The following CRACD variants were observed in gnomAD, a reference collection of about 807,000 sequenced individuals.
The protein encoded by CRACD is capping protein-inhibiting regulator of actin dynamics.
A neutral mutation model predicts 106.8 loss-of-function variants in CRACD; 56 were observed. The ratio of observed to expected loss-of-function variants is 0.52; its 90% CI spans 0.42 to 0.66. The LOEUF (loss-of-function observed/expected upper bound fraction) is 0.66. Ranked by LOEUF, CRACD falls within the 30% of genes least tolerant of loss-of-function variation. The pLI, the probability that CRACD is intolerant of heterozygous loss-of-function variation, is 0.00. For synonymous variants in CRACD, 754 were observed against 670.8 expected, an observed-to-expected ratio of 1.12 and a Z score of -1.92; for missense variants, 1,730 against 1,623.2, an observed-to-expected ratio of 1.07 and a Z score of -1.13.
intron 2 of CRACD, among the ~76,000 whole-genome samples, chr4:56,205,745 T>G (rs1256194422): frequency 1.3e-5 from 2 of 152,202 alleles, no homozygotes; most frequent in African/African-American, 4.8e-5. Context: ...CCCAAAGTGC[T>G]GAGATTACAG....
intron 2 of CRACD, among the ~76,000 whole-genome samples, chr4:56,240,727 C>A (rs1740316443): frequency 6.6e-6 from 1 of 152,174 alleles, no homozygotes; most frequent in Admixed American, 6.5e-5. Context: ...TCAAACTCTA[C>A]TTCAAGCAGT....
At chr4:56,274,785 A>G (rs988092270) in intron 3 of CRACD, among the ~76,000 whole-genome samples, 1 of 152,238 alleles carries the variant, frequency 6.6e-6, no homozygotes, top group Non-Finnish European at 1.5e-5. Flanking sequence ...TAGTGGGTAT[A>G]TGCCCAGAGG....
chr4:56,242,949 G>C (rs1442017003), intron 2 of CRACD, among the ~76,000 whole-genome samples: 1 of 152,186 alleles, frequency 6.6e-6, no homozygotes, highest in African/African-American at 2.4e-5. Flanking sequence ...TGCACCCCTA[G>C]AGCGCATGAG....
At chr4:56,199,235 CTG>C (rs1166319323) in intron 2 of CRACD, among the ~76,000 whole-genome samples, 2 of 152,168 alleles carry the variant, frequency 1.3e-5, no homozygotes, top group Non-Finnish European at 2.9e-5. Flanking sequence ...AAGTAGCAAA[CTG>C]AAAGTAGAAG....
intron 6 of CRACD, chr4:56,311,623 G>A (rs1270235680): frequency 1.3e-5 from 2 of 152,160 alleles, no homozygotes; most frequent in African/African-American, 2.4e-5. Flanking sequence ...ATTTTTCTGT[G>A]CTTCTTGTCA....
At chr4:56,256,823 A>G (rs4865082) in intron 2 of CRACD, among the ~76,000 whole-genome samples, 1 of 152,060 alleles carries the variant, frequency 6.6e-6, no homozygotes, top group Non-Finnish European at 1.5e-5. Context: ...ATGGACCCCT[A>G]CTTGGCCAAG....
chr4:56,087,786 TTTAC>T (rs1464910996), intron 1 of CRACD, among the ~76,000 whole-genome samples: 3 of 152,206 alleles, frequency 2.0e-5, no homozygotes, highest in African/African-American at 4.8e-5. Flanking sequence ...CTCCTCTTTT[TTTAC>T]TTACTTATTT....
Position 56,313,189 on chromosome 4 carries a change from C to T in CRACD, c.355-8C>T, listed in dbSNP as rs1745267333. The T allele has an allele frequency of 6.2e-7, 1 of 1,613,058 alleles. No individual in the cohort carries two copies. Among genetic ancestry groups the T allele is most frequent in the Non-Finnish European group, 8.5e-7 (1 of 1,179,316 alleles). On this transcript the variant is annotated splice_polypyrimidine_tract_variant and splice_region_variant and intron_variant, in intron 6 of 10. Coordinates refer to ENST00000682029, the MANE Select transcript of CRACD (RefSeq NM_001393381.1). ...CCAACTGACTTTCTATTTTAATCTC[C>T]CCTACAGGTTGCTCCCGTTAAACCG...
rs190413501 is a variant in CRACD, at chr4:56,284,713, A to G, written c.-17+12221A>G. The stretch of plus-strand genomic sequence containing the variant: ...GCACCCCAGCCTGGGCTACAGAGTG[A>G]GACTCCGTCTCGAAAACAAAAAACA... On this transcript the variant is annotated intron_variant, in intron 3 of 10. Coordinates refer to ENST00000682029, the MANE Select transcript of CRACD (RefSeq NM_001393381.1). Among the ~76,000 whole-genome samples, 5 of 148,118 alleles carry G rather than the reference A, an allele frequency of 3.4e-5. No individual in the cohort carries two copies. In the Admixed American group the frequency reaches 3.4e-4, roughly 10 times the overall value.
chr4:56,070,330 C>T lies in CRACD; in HGVS notation c.-336+21031C>T, dbSNP rs536089143. ...TTTTTTTTTTTTTGAGACGGAGTCT[C>T]GCTCTGTCGCCCTGGCTGGAGTACA... On this transcript the variant is annotated intron_variant, in intron 1 of 10. Transcript: ENST00000682029. Among the ~76,000 whole-genome samples, 52 of 142,414 alleles carry T rather than the reference C, an allele frequency of 3.7e-4. 1 individual carries two copies. The East Asian group carries it at 0.011, about 29-fold the overall frequency. 93.4% of individuals were successfully genotyped at this position (142,414 alleles called of 152,430 possible). A position where few individuals can be genotyped will look rare whatever the true frequency, so the allele number is the denominator to read the frequency against.
intron 2 of CRACD, among the ~76,000 whole-genome samples, chr4:56,211,977 G>T (rs1235347584): frequency 6.6e-6 from 1 of 152,122 alleles, no homozygotes; most frequent in Non-Finnish European, 1.5e-5. Flanking sequence ...AGTGCCTCCT[G>T]CCACTATCAA....
intron 1 of CRACD, among the ~76,000 whole-genome samples, chr4:56,083,739 G>C (rs756304754): frequency 5.5e-4 from 84 of 152,240 alleles, no homozygotes; most frequent in Non-Finnish European, 1.0e-3. Context: ...CTTTGGGAGG[G>C]TTGAGGCAGG....
At chr4:56,078,091 A>G (rs936264474) in intron 1 of CRACD, among the ~76,000 whole-genome samples, 1 of 152,180 alleles carries the variant, frequency 6.6e-6, no homozygotes, top group Non-Finnish European at 1.5e-5. Context: ...AAAAATAATT[A>G]TATATTTTTA....
intron 1 of CRACD, among the ~76,000 whole-genome samples, chr4:56,129,343 C>T (rs1034903453): frequency 6.6e-6 from 1 of 152,180 alleles, no homozygotes; most frequent in African/African-American, 2.4e-5. Flanking sequence ...ACTGGGATTA[C>T]GGGTATGAGC....
At chr4:56,200,870 G>A (rs77068866) in intron 2 of CRACD, among the ~76,000 whole-genome samples, 5,023 of 152,164 alleles carry the variant, frequency 0.033, 119 homozygotes, top group Admixed American at 0.055. Flanking sequence ...ATCTTTTAAA[G>A]TTTTGTAATT....
intron 4 of CRACD, among the ~76,000 whole-genome samples, chr4:56,302,662 A>G (rs1170294421): frequency 6.6e-6 from 1 of 151,848 alleles, no homozygotes. Context: ...TTTTTTTATT[A>G]TTATTCATTT....
chr4:56,297,227 A>G (rs898789899), intron 3 of CRACD, among the ~76,000 whole-genome samples: 3 of 152,068 alleles, frequency 2.0e-5, no homozygotes, highest in African/African-American at 7.2e-5. Context: ...GGCATGAGCC[A>G]CCGTGCCTGG....
chr4:56,264,782 A>G (rs1024077346), intron 2 of CRACD, among the ~76,000 whole-genome samples: 3 of 152,354 alleles, frequency 2.0e-5, no homozygotes, highest in Middle Eastern at 3.4e-3. Context: ...CAGTAAAGAC[A>G]GGCATAAGAA....
intron 1 of CRACD, among the ~76,000 whole-genome samples, chr4:56,149,493 T>A (rs1256353968): frequency 6.6e-6 from 1 of 152,232 alleles, no homozygotes; most frequent in Non-Finnish European, 1.5e-5. Context: ...TTAAATATTC[T>A]ACATGTGCTT....
Sources: allele counts gnomAD v4.1 joint callset (sites outside exome capture counted in the v4.1 genomes callset), GRCh38; gene constraint gnomAD v4.1.1; transcripts MANE v1.5; gene names NCBI Gene and HGNC (gene_info 2026-07-23, HGNC 2026-07-21).